The following PPP2R3A variants were observed in gnomAD, a reference collection of about 807,000 sequenced individuals.
The protein encoded by PPP2R3A is serine/threonine-protein phosphatase 2A regulatory subunit B'' subunit alpha.
Under a neutral mutation model 106.9 loss-of-function variants are expected in PPP2R3A, and 80 were observed. The ratio of observed to expected loss-of-function variants is 0.75; its 90% CI spans 0.62 to 0.90. The LOEUF (loss-of-function observed/expected upper bound fraction) is 0.90. Among genes scored for constraint, PPP2R3A ranks in the 40% least tolerant of loss-of-function variants. PPP2R3A has a pLI of 0.00. For missense variants in PPP2R3A, 1,386 were observed against 1,350.4 expected (o/e 1.03, Z -0.41); for synonymous variants, 483 against 468.3 (o/e 1.03, Z -0.41).
At chr3:136,099,051 A>G (rs1294303755) in intron 10 of PPP2R3A, among the ~76,000 whole-genome samples, 1 of 152,222 alleles carries the variant, frequency 6.6e-6, no homozygotes, top group Non-Finnish European at 1.5e-5. Context: ...TGAGACGCCC[A>G]GTCTTCATTC....
chr3:136,107,330 TCTC>T (rs1295423498), intron 13 of PPP2R3A, among the ~76,000 whole-genome samples: 3 of 151,678 alleles, frequency 2.0e-5, no homozygotes, highest in Non-Finnish European at 4.4e-5. Context: ...ACTACCCACT[TCTC>T]CTCCCCAGAA....
At chr3:136,018,252 G>GGA (rs1934346705) in intron 2 of PPP2R3A, among the ~76,000 whole-genome samples, 1 of 152,174 alleles carries the variant, frequency 6.6e-6, no homozygotes, top group Non-Finnish European at 1.5e-5. Flanking sequence ...GGACAACAGA[G>GGA]GAAGACCCTG....
intron 5 of PPP2R3A, among the ~76,000 whole-genome samples, chr3:136,066,751 G>A (rs1009120328): frequency 6.6e-6 from 1 of 151,974 alleles, no homozygotes; most frequent in African/African-American, 2.4e-5. Flanking sequence ...CGCACCAAGA[G>A]GACAATGCTA....
chr3:136,008,523 A>C (rs1218540545), intron 2 of PPP2R3A, among the ~76,000 whole-genome samples: 2 of 152,226 alleles, frequency 1.3e-5, no homozygotes, highest in Non-Finnish European at 1.5e-5. Flanking sequence ...GATTAACATC[A>C]GGTATCTCAA....
intron 9 of PPP2R3A, among the ~76,000 whole-genome samples, chr3:136,090,158 G>C (rs913258528): frequency 6.6e-6 from 1 of 152,068 alleles, no homozygotes; most frequent in African/African-American, 2.4e-5. Context: ...TGGTGAGAGT[G>C]GTCATCCTTG....
chr3:136,092,420 A>T (rs959147379), intron 10 of PPP2R3A, among the ~76,000 whole-genome samples: 1 of 152,228 alleles, frequency 6.6e-6, no homozygotes, highest in Admixed American at 6.5e-5. Flanking sequence ...TCCCAAACTG[A>T]TCTACAGATT....
chr3:136,119,729 G>A (rs545955785), intron 13 of PPP2R3A, among the ~76,000 whole-genome samples: 14 of 152,272 alleles, frequency 9.2e-5, no homozygotes, highest in Non-Finnish European at 1.8e-4. Flanking sequence ...GAGAGGGTGT[G>A]GAGAATAGGA....
intron 1 of PPP2R3A, among the ~76,000 whole-genome samples, chr3:135,988,362 A>G (rs1933015812): frequency 6.6e-6 from 1 of 152,014 alleles, no homozygotes; most frequent in African/African-American, 2.4e-5. Flanking sequence ...AAATATATCC[A>G]GAATCTGACC....
chr3:136,094,971 A>T (rs1576498757), intron 10 of PPP2R3A, among the ~76,000 whole-genome samples: 1 of 152,208 alleles, frequency 6.6e-6, no homozygotes, highest in East Asian at 1.9e-4. Context: ...AATACTAGTA[A>T]GTCAAGGCTT....
At chr3:136,107,224 C>T (rs1005972552) in intron 13 of PPP2R3A, among the ~76,000 whole-genome samples, 3 of 151,326 alleles carry the variant, frequency 2.0e-5, no homozygotes, top group Admixed American at 6.6e-5. Context: ...TCTGTAAAGG[C>T]CTCAATTAAT....
At chr3:136,140,398 A>G (rs1413874147) in intron 13 of PPP2R3A, among the ~76,000 whole-genome samples, 2 of 149,738 alleles carry the variant, frequency 1.3e-5, no homozygotes, top group African/African-American at 5.0e-5. Flanking sequence ...TGAGGCTAAG[A>G]TCATGCCACT....
At chr3:136,040,404 G>A (rs6807565) in intron 3 of PPP2R3A, among the ~76,000 whole-genome samples, 35,083 of 152,000 alleles carry the variant, frequency 0.23, 4,869 homozygotes, top group Non-Finnish European at 0.32. Flanking sequence ...GCCAGGTGTG[G>A]TGGTGGGCAC....
At chr3:136,112,987 G>C (rs1212766193) in intron 13 of PPP2R3A, among the ~76,000 whole-genome samples, 1 of 152,042 alleles carries the variant, frequency 6.6e-6, no homozygotes, top group African/African-American at 2.4e-5. Context: ...ACAAAAATGA[G>C]CCAGGTGTGG....
At chr3:136,124,640 A>G (rs1028534956) in intron 13 of PPP2R3A, among the ~76,000 whole-genome samples, 1 of 152,162 alleles carries the variant, frequency 6.6e-6, no homozygotes, top group African/African-American at 2.4e-5. Flanking sequence ...AAAAAAGGAT[A>G]TAATAAAATC....
intron 13 of PPP2R3A, among the ~76,000 whole-genome samples, chr3:136,121,601 A>G (rs1425015945): frequency 6.6e-6 from 1 of 152,232 alleles, no homozygotes; most frequent in East Asian, 1.9e-4. Flanking sequence ...TTGAAAAAGA[A>G]AAAAGAACTT....
intron 5 of PPP2R3A, 135 bp from the exon 6 acceptor site, chr3:136,070,343 A>T (rs1274726454): frequency 1.6e-6 from 1 of 608,838 alleles, no homozygotes; most frequent in Non-Finnish European, 2.7e-6. Flanking sequence ...TTAATAAAGA[A>T]TTAAATTTTA....
chr3:136,114,744 G>A (rs1022403296), intron 13 of PPP2R3A, among the ~76,000 whole-genome samples: 1 of 152,182 alleles, frequency 6.6e-6, no homozygotes, highest in Non-Finnish European at 1.5e-5. Context: ...GCTCCTCTCT[G>A]GGCAGGGCAT....
intron 2 of PPP2R3A, among the ~76,000 whole-genome samples, chr3:136,021,567 A>G (rs1934466732): frequency 6.6e-6 from 1 of 152,178 alleles, no homozygotes; most frequent in African/African-American, 2.4e-5. Flanking sequence ...TTTAATTCCC[A>G]CTAAATTAGA....
intron 13 of PPP2R3A, among the ~76,000 whole-genome samples, chr3:136,118,483 A>T (rs1937867090): frequency 6.6e-6 from 1 of 152,284 alleles, no homozygotes; most frequent in Admixed American, 6.5e-5. Context: ...AAACCCCATC[A>T]TCTCAGCCCA....
Sources: gnomAD v4.1 joint callset for allele counts (sites outside exome capture counted in the v4.1 genomes callset) on GRCh38, gnomAD v4.1.1 for gene constraint, MANE v1.5 for transcripts, NCBI Gene and HGNC (gene_info 2026-07-23, HGNC 2026-07-21) for gene names.